Variants in SLCO3A1 observed in about 807,000 individuals in gnomAD.
SLCO3A1 encodes the protein solute carrier organic anion transporter family member 3A1, also known as PGE1 transporter.
In SLCO3A1, 27 loss-of-function variants were observed where a neutral mutation model predicts 63.1. The observed-to-expected ratio is 0.43, with a 90% CI of 0.32 to 0.59. The LOEUF (loss-of-function observed/expected upper bound fraction) is 0.59. Ranked by LOEUF, SLCO3A1 falls within the 20% of genes least tolerant of loss-of-function variation. SLCO3A1 has a pLI of 0.09. For missense variants in SLCO3A1, 773 were observed against 945.8 expected (o/e 0.82, Z 2.40); for synonymous variants, 473 against 409.9 (o/e 1.15, Z -1.86).
Position 91,932,451 on chromosome 15 carries a change from GT to G in SLCO3A1, c.646+16005del, listed in dbSNP as rs559551525. On this transcript the variant is annotated intron_variant, in intron 2 of 9. Transcript: ENST00000318445. ...TTTTAGATATACCATTTTATTAGCAGTTTTTTTTTTTTGAGACAGGGTCTTG... is the reference window on the plus strand; with the variant it reads ...TTTTAGATATACCATTTTATTAGCAGTTTTTTTTTTTGAGACAGGGTCTTG... Among the ~76,000 whole-genome samples the G allele has an allele frequency of 7.9e-3, 1,154 of 145,702 alleles. 2 individuals are homozygous for G. The highest frequency in any genetic ancestry group is 0.017 in the African/African-American group (680 of 40,040).
At chr15:92,054,104 T>C (rs2046993857) in intron 2 of SLCO3A1, among the ~76,000 whole-genome samples, 1 of 152,256 alleles carries the variant, frequency 6.6e-6, no homozygotes, top group African/African-American at 2.4e-5. Flanking sequence ...AGTACTGCTA[T>C]GTTTTGTTCC....
downstream of SLCO3A1, among the ~76,000 whole-genome samples, chr15:92,170,571 GC>G (rs377740052): frequency 4.8e-3 from 731 of 152,234 alleles, 2 homozygotes; most frequent in African/African-American, 0.016. Context: ...ACAACACAAA[GC>G]CCCCGAAGTT....
At chr15:92,045,708 T>C (rs762380106) in intron 2 of SLCO3A1, among the ~76,000 whole-genome samples, 4 of 152,178 alleles carry the variant, frequency 2.6e-5, no homozygotes, top group Admixed American at 1.3e-4. Context: ...GGACATTATA[T>C]GATTTAGAAT....
At chr15:92,141,343 T>C (rs559060941) in intron 7 of SLCO3A1, among the ~76,000 whole-genome samples, 1 of 152,318 alleles carries the variant, frequency 6.6e-6, no homozygotes, top group Admixed American at 6.5e-5. Context: ...TAGTTAATTG[T>C]CTTAGGGACA....
At chr15:92,075,950 A>G (rs1220843137) in intron 2 of SLCO3A1, among the ~76,000 whole-genome samples, 1 of 152,178 alleles carries the variant, frequency 6.6e-6, no homozygotes, top group Non-Finnish European at 1.5e-5. Flanking sequence ...TCCTGTTCCT[A>G]TCAGAAAACT....
intron 2 of SLCO3A1, among the ~76,000 whole-genome samples, chr15:91,982,193 G>A (rs775233412): frequency 2.6e-5 from 4 of 152,236 alleles, no homozygotes; most frequent in Non-Finnish European, 5.9e-5. Flanking sequence ...GGTCATGCCG[G>A]CCACACATTC....
chr15:92,084,888 G>A (rs1015972198), intron 2 of SLCO3A1, among the ~76,000 whole-genome samples: 13 of 152,226 alleles, frequency 8.5e-5, no homozygotes, highest in African/African-American at 3.1e-4. Flanking sequence ...CCAAGAGCAG[G>A]CCTTCCAGTG....
intron 2 of SLCO3A1, among the ~76,000 whole-genome samples, chr15:91,945,902 G>C (rs1314695769): frequency 6.6e-6 from 1 of 152,208 alleles, no homozygotes; most frequent in Non-Finnish European, 1.5e-5. Context: ...TGATGGAGAG[G>C]GAGGGAAGAG....
chr15:92,103,949 G>A lies in SLCO3A1; in HGVS notation c.746-330G>A, dbSNP rs564146654. Among the ~76,000 whole-genome samples the A allele has an allele frequency of 2.6e-5, 4 of 152,266 alleles. No homozygotes were observed. The South Asian group carries it at 8.3e-4, about 32-fold the overall frequency. On this transcript the variant is annotated intron_variant, in intron 3 of 9. Coordinates refer to ENST00000318445, the MANE Select transcript of SLCO3A1 (RefSeq NM_013272.4). ...ACCTCTGAACAATAAACATTTCCTT[G>A]TGCTTCTTTCAGTACACCTTAGCAG...
In SLCO3A1 at chr15:92,162,917, A is replaced by T. The variant is rs74619228; in HGVS notation, c.1915A>T (p.Ile639Phe). 1 of 1,614,168 alleles carries T rather than the reference A, an allele frequency of 6.2e-7. No homozygotes were observed. Among genetic ancestry groups the T allele is most frequent in the South Asian group, 1.1e-5 (1 of 91,080 alleles). Reference protein sequence around the residue: ...IAIALKSFAFILYTTTWQCLR... With the variant: ...IAIALKSFAFFLYTTTWQCLR... Reference sequence around the variant, plus strand: ...CATCGCGCTCAAATCCTTCGCCTTCATCCTGTACACCACCACGTGGCAGTG... The same window carrying T: ...CATCGCGCTCAAATCCTTCGCCTTCTTCCTGTACACCACCACGTGGCAGTG... The change falls in exon 10 of 10, where the codon ATC (isoleucine) becomes TTC (phenylalanine). Residue 639 changes from isoleucine (I) to phenylalanine (F), a missense_variant. Ile to Phe is a conservative substitution (Grantham distance 21, BLOSUM62 0). Coordinates refer to ENST00000318445, the MANE Select transcript of SLCO3A1 (RefSeq NM_013272.4).
At chr15:92,098,914 C>T (rs2047571320) in intron 3 of SLCO3A1, among the ~76,000 whole-genome samples, 1 of 152,148 alleles carries the variant, frequency 6.6e-6, no homozygotes, top group South Asian at 2.1e-4. Flanking sequence ...ATAAGAAATC[C>T]GAGAGAGGTT....
At chr15:92,150,305 C>T (rs988116963) in intron 8 of SLCO3A1, among the ~76,000 whole-genome samples, 2 of 152,214 alleles carry the variant, frequency 1.3e-5, no homozygotes, top group African/African-American at 4.8e-5. Flanking sequence ...CTGGGTCTGC[C>T]TTTCCCACCC....
chr15:91,883,370 G>T lies in SLCO3A1; in HGVS notation c.180+29282G>T, dbSNP rs1257484554. ...CTGAGGTACCACAGGGGATGCCAGA[G>T]ACCTGAGGCTTCTTGGTAGAAGCAG... On this transcript the variant is annotated intron_variant, in intron 1 of 9. Transcript: ENST00000318445. The surrounding 1 kb of genome is among the most constrained non-coding windows in gnomAD (Gnocchi z 4.8). Among the ~76,000 whole-genome samples, 1 of 152,178 alleles carries T rather than the reference G, an allele frequency of 6.6e-6. No individual in the cohort carries two copies. The highest frequency in any genetic ancestry group is 1.9e-4 in the East Asian group (1 of 5,188).
At position 92,105,564 on chromosome 15, in the gene SLCO3A1, G is replaced by A. The variant is rs189474461; in HGVS notation, c.1009+1022G>A. ...ATCTTCGGCACAATCCTTTAAAGAC[G>A]AGGAAAATGACAAGGAGCTGAATGT... On this transcript the variant is annotated intron_variant, in intron 4 of 9. Transcript: ENST00000318445. Among the ~76,000 whole-genome samples the A allele has an allele frequency of 4.6e-5, 7 of 152,278 alleles. No homozygotes were observed. In the East Asian group the frequency reaches 9.6e-4, roughly 21 times the overall value.
chr15:92,150,589 C>G (rs2048291773), intron 8 of SLCO3A1, among the ~76,000 whole-genome samples: 3 of 151,682 alleles, frequency 2.0e-5, no homozygotes, highest in Non-Finnish European at 4.4e-5. Context: ...TTGATGTTTT[C>G]CCCCCCATAC....
intron 4 of SLCO3A1, among the ~76,000 whole-genome samples, chr15:92,114,814 G>C (rs2047773834): frequency 6.6e-6 from 1 of 152,052 alleles, no homozygotes; most frequent in Non-Finnish European, 1.5e-5. Flanking sequence ...TAAGCACGTG[G>C]ACTTTGGAGC....
chr15:91,949,039 C>G (rs1254817945), intron 2 of SLCO3A1, among the ~76,000 whole-genome samples: 2 of 151,890 alleles, frequency 1.3e-5, no homozygotes, highest in Non-Finnish European at 2.9e-5. Context: ...CATTGTTATC[C>G]TTGAGTATTT....
In SLCO3A1 at chr15:91,860,314, C is replaced by T. The variant is rs1409322001; in HGVS notation, c.180+6226C>T. ...GGATTTGAACTTAGACTTGCTATTT[C>T]CCAGCTCCTGGCAACTTCACTTACT... On this transcript the variant is annotated intron_variant, in intron 1 of 9. Transcript: ENST00000318445. This position sits in a 1 kb window ranked among gnomAD's most constrained non-coding sequence, Gnocchi z 5.5. Among the ~76,000 whole-genome samples the T allele has an allele frequency of 6.6e-6, 1 of 152,166 alleles. No homozygotes were observed. The highest frequency in any genetic ancestry group is 1.5e-5 in the Non-Finnish European group (1 of 68,030).
At chr15:92,035,173 T>C (rs2046709048) in intron 2 of SLCO3A1, among the ~76,000 whole-genome samples, 1 of 151,874 alleles carries the variant, frequency 6.6e-6, no homozygotes, top group South Asian at 2.1e-4. Flanking sequence ...GTCAGCCTTC[T>C]ATTTTTCCAG....
Sources: allele counts gnomAD v4.1 joint callset (sites outside exome capture counted in the v4.1 genomes callset), GRCh38; gene constraint gnomAD v4.1.1; non-coding constraint Gnocchi (gnomAD v3.1); transcripts MANE v1.5; gene names NCBI Gene and HGNC (gene_info 2026-07-23, HGNC 2026-07-21).